ARID1B: variants seen among roughly 807,000 people sequenced by gnomAD.
The protein encoded by ARID1B is AT-rich interactive domain-containing protein 1B.
ARID1B carries 30 observed loss-of-function variants against 212.3 expected under a neutral mutation model. That is an observed-to-expected ratio of 0.14 (90% CI 0.11 to 0.19). The LOEUF is 0.19. Among genes scored for constraint, ARID1B ranks in the 10% least tolerant of loss-of-function variants. The pLI, the probability that ARID1B is intolerant of heterozygous loss-of-function variation, is 1.00. For synonymous variants in ARID1B, 1,402 were observed against 1,301.7 expected (o/e 1.08, Z -1.66); for missense variants, 2,891 against 3,204.0 (o/e 0.90, Z 2.36).
In ARID1B at chr6:157,209,138, A is replaced by G. The variant is rs557803073; in HGVS notation, c.*1247A>G. 3.0e-5 allele frequency: 7 copies of G among 230,840 alleles called. No homozygotes were observed. The Admixed American group carries it at 3.4e-4, about 11-fold the overall frequency. 14.3% of individuals were successfully genotyped at this position (230,840 alleles called of 1,614,324 possible). ...CAAGATAATGTAGTTTAAAAAAAAA[A>G]AAAAGAAAAAAACTTGATGTAAATT... On this transcript the variant is annotated 3_prime_UTR_variant, in exon 20 of 20. Transcript: ENST00000636930.
intron 11 of ARID1B, 30 bp from the exon 12 acceptor site, chr6:157,180,939 C>G: frequency 6.3e-7 from 1 of 1,596,398 alleles, no homozygotes. Flanking sequence ...CACCCATGCC[C>G]CACCTCCACA....
At chr6:157,007,505 G>A (rs563401873) in intron 4 of ARID1B, among the ~76,000 whole-genome samples, 6 of 152,234 alleles carry the variant, frequency 3.9e-5, no homozygotes, top group South Asian at 4.1e-4. Context: ...AATTTAAAGC[G>A]AACCATTTAG....
intron 5 of ARID1B, among the ~76,000 whole-genome samples, chr6:157,086,103 G>C (rs79694466): frequency 0.034 from 5,201 of 152,134 alleles, 295 homozygotes; most frequent in African/African-American, 0.12. Flanking sequence ...GCATGCAAAG[G>C]GCTACTATTA....
intron 2 of ARID1B, among the ~76,000 whole-genome samples, chr6:156,880,932 G>T (rs1427865487): frequency 6.6e-6 from 1 of 151,438 alleles, no homozygotes; most frequent in Non-Finnish European, 1.5e-5. Flanking sequence ...TCTCAGACTA[G>T]CATAATTTAT....
At chr6:157,015,535 T>C (rs934400736) in intron 4 of ARID1B, among the ~76,000 whole-genome samples, 2 of 152,128 alleles carry the variant, frequency 1.3e-5, no homozygotes, top group Non-Finnish European at 2.9e-5. Flanking sequence ...ATGAGATTGC[T>C]CAAGAAAAGT....
chr6:156,832,347 C>T (rs1449907708), intron 2 of ARID1B, among the ~76,000 whole-genome samples: 3 of 152,150 alleles, frequency 2.0e-5, no homozygotes. Context: ...ATGTAATTGG[C>T]TAAGCATTGT....
At chr6:157,113,646 C>A (rs1226134221) in intron 6 of ARID1B, among the ~76,000 whole-genome samples, 3 of 152,170 alleles carry the variant, frequency 2.0e-5, no homozygotes, top group African/African-American at 7.2e-5. Flanking sequence ...GATCCAATAA[C>A]CTCCCACCAG....
chr6:156,834,167 T>A (rs1783336333), intron 2 of ARID1B, among the ~76,000 whole-genome samples: 1 of 152,216 alleles, frequency 6.6e-6, no homozygotes, highest in African/African-American at 2.4e-5. Flanking sequence ...GGTTTAAGAC[T>A]TAAAAATTCC....
At chr6:157,144,777 CAG>C (rs1407129545) in intron 7 of ARID1B, among the ~76,000 whole-genome samples, 3 of 152,192 alleles carry the variant, frequency 2.0e-5, no homozygotes, top group Non-Finnish European at 2.9e-5. Flanking sequence ...GGAAAACAGA[CAG>C]GGGAGCCTAT....
At chr6:157,081,896 A>G (rs1305725156) in intron 4 of ARID1B, among the ~76,000 whole-genome samples, 1 of 152,230 alleles carries the variant, frequency 6.6e-6, no homozygotes, top group South Asian at 2.1e-4. Flanking sequence ...CTTCATATAT[A>G]GTATGGGATT....
At chr6:156,826,562 A>G (rs1197791579) in intron 1 of ARID1B, among the ~76,000 whole-genome samples, 2 of 152,304 alleles carry the variant, frequency 1.3e-5, no homozygotes, top group East Asian at 3.9e-4. Flanking sequence ...TGAGGAAGGC[A>G]GAGAAGGGGA....
intron 5 of ARID1B, 55 bp downstream of exon 5, chr6:157,084,960 G>T: frequency 6.5e-7 from 1 of 1,543,852 alleles, no homozygotes; most frequent in Non-Finnish European, 8.7e-7. Flanking sequence ...GAGATTTCAT[G>T]TTCATCAACA....
chr6:157,142,094 A>G (rs1161152541), intron 7 of ARID1B, among the ~76,000 whole-genome samples: 2 of 152,238 alleles, frequency 1.3e-5, no homozygotes, highest in South Asian at 2.1e-4. Context: ...CAAAGGCATA[A>G]TGCTAAGAAG....
rs150180328 is a variant in ARID1B, at chr6:156,924,640, A to G, written c.2137-10826A>G. 8.1e-3 allele frequency among the ~76,000 whole-genome samples: 1,228 copies of G among 152,330 alleles called. 15 individuals carry two copies. The highest frequency in any genetic ancestry group is 0.028 in the African/African-American group (1,162 of 41,570). On this transcript the variant is annotated intron_variant, in intron 3 of 19. Coordinates refer to ENST00000636930, the MANE Select transcript of ARID1B (RefSeq NM_001374828.1). ...TTTCCCTTTAATATTTTTGAACCACAGTTGACCATGGGTAACTGAAATCAT... is the reference window on the plus strand; with the variant it reads ...TTTCCCTTTAATATTTTTGAACCACGGTTGACCATGGGTAACTGAAATCAT...
intron 8 of ARID1B, among the ~76,000 whole-genome samples, chr6:157,163,890 A>G (rs1212312828): frequency 6.6e-6 from 1 of 152,250 alleles, no homozygotes; most frequent in African/African-American, 2.4e-5. Flanking sequence ...GAAGTGTAGT[A>G]TACCGCACTG....
At chr6:156,832,070 A>G (rs1007942489) in intron 2 of ARID1B, among the ~76,000 whole-genome samples, 34 of 152,262 alleles carry the variant, frequency 2.2e-4, no homozygotes, top group African/African-American at 8.2e-4. Flanking sequence ...AATGTGTATA[A>G]CATTTTAAAG....
At chr6:157,059,298 G>A (rs965632638) in intron 4 of ARID1B, among the ~76,000 whole-genome samples, 1 of 152,156 alleles carries the variant, frequency 6.6e-6, no homozygotes, top group Non-Finnish European at 1.5e-5. Context: ...AATAAAAGAA[G>A]CTGGTGAAAT....
chr6:157,040,225 A>G (rs1781791624), intron 4 of ARID1B, among the ~76,000 whole-genome samples: 1 of 152,226 alleles, frequency 6.6e-6, no homozygotes, highest in Admixed American at 6.5e-5. Context: ...GGCGCAAGCC[A>G]CTGTGCTCGG....
chr6:157,190,273 A>G lies in ARID1B; in HGVS notation c.4231+63A>G, dbSNP rs1001480443. On this transcript the variant is annotated intron_variant, in intron 15 of 19. Coordinates refer to ENST00000636930, the MANE Select transcript of ARID1B (RefSeq NM_001374828.1). This position sits in a 1 kb window ranked among gnomAD's most constrained non-coding sequence, Gnocchi z 4.6. ...TGGGCATTCTACTCTCTGCCGTTCC[A>G]CAACAGTTCACCTTTCACTCAGAAC... 8.6e-6 allele frequency: 13 copies of G among 1,517,642 alleles called. No individual in the cohort carries two copies. In the African/African-American group the frequency reaches 1.5e-4, roughly 18 times the overall value. 94.0% of individuals were successfully genotyped at this position (1,517,642 alleles called of 1,614,324 possible). A position where few individuals can be genotyped will look rare whatever the true frequency, so the allele number is the denominator to read the frequency against.
Sources: allele counts gnomAD v4.1 joint callset (sites outside exome capture counted in the v4.1 genomes callset), GRCh38; gene constraint gnomAD v4.1.1; non-coding constraint Gnocchi (gnomAD v3.1); transcripts MANE v1.5; gene names NCBI Gene and HGNC (gene_info 2026-07-23, HGNC 2026-07-21).